The following VPS37B variants were observed in gnomAD, a reference collection of about 807,000 sequenced individuals.
The protein encoded by VPS37B is vacuolar protein sorting-associated protein 37B.
A neutral mutation model predicts 21.2 loss-of-function variants in VPS37B; 11 were observed. The observed-to-expected ratio is 0.52, with a 90% confidence interval of 0.33 to 0.86. The LOEUF (loss-of-function observed/expected upper bound fraction) is 0.86, where lower values mean the gene tolerates loss of function less well. Among genes scored for constraint, VPS37B ranks in the 40% least tolerant of loss-of-function variants. The pLI is 0.03. For missense variants in VPS37B, 389 were observed against 374.8 expected (o/e 1.04, Z -0.31); for synonymous variants, 175 against 159.6 (o/e 1.10, Z -0.73).
Position 122,867,388 on chromosome 12 carries a change from C to T in VPS37B, c.586G>A (p.Ala196Thr), listed in dbSNP as rs2033926688. ...GGTGCAACGGCAGGAGGCCCACTGG[C>T]CTCTGGGGCAGGGTAGGGAAGGGGG... ...TAPLPYPAPEASGPPAVAPRR... is the reference protein window; with the variant it reads ...TAPLPYPAPETSGPPAVAPRR... Residue 196 changes from alanine (A) to threonine (T), a missense_variant, in exon 4 of 4, where the codon GCC becomes ACC. Transcript: ENST00000267202. The surrounding 1 kb of genome is among the most constrained non-coding windows in gnomAD (Gnocchi z 5.5). 14 of 1,602,314 alleles carry T rather than the reference C, an allele frequency of 8.7e-6. No homozygotes were observed. Among genetic ancestry groups the T allele is most frequent in the Non-Finnish European group, 1.2e-5 (14 of 1,177,638 alleles).
intron 1 of VPS37B, chr12:122,877,021 C>T (rs2034162741): frequency 6.6e-6 from 1 of 152,188 alleles, no homozygotes; most frequent in African/African-American, 2.4e-5. Context: ...GCTCCTCCAC[C>T]TGTAATTATA....
chr12:122,867,297 G>C lies in VPS37B; in HGVS notation c.677C>G (p.Ala226Gly), dbSNP rs2033923015. 1 of 1,479,394 alleles carries C rather than the reference G, an allele frequency of 6.8e-7. No individual in the cohort carries two copies. The highest frequency in any genetic ancestry group is 9.1e-7 in the Non-Finnish European group (1 of 1,103,698). 91.6% of individuals were successfully genotyped at this position (1,479,394 alleles called of 1,614,324 possible). ...CGGCACGGCCTGTCCCGAACTCATGGCCGCAGTAAACGGGGTGGCTAAGCG... is the reference window on the plus strand; with the variant it reads ...CGGCACGGCCTGTCCCGAACTCATGCCCGCAGTAAACGGGGTGGCTAAGCG... Reference protein sequence around the residue: ...AGRLATPFTAAMSSGQAVPYP... With the variant: ...AGRLATPFTAGMSSGQAVPYP... The change falls in exon 4 of 4, where the codon GCC becomes GGC. Residue 226 changes from alanine to glycine, a missense_variant. Transcript: ENST00000267202. This position sits in a 1 kb window ranked among gnomAD's most constrained non-coding sequence, Gnocchi z 5.5.
intron 1 of VPS37B, chr12:122,888,803 T>C: frequency 3.2e-6 from 1 of 314,810 alleles, no homozygotes; most frequent in Non-Finnish European, 6.4e-6. Flanking sequence ...AACTTTTATA[T>C]TCTCCTTGAT....
chr12:122,885,023 T>G (rs1215718746), intron 1 of VPS37B: 1 of 152,214 alleles, frequency 6.6e-6, no homozygotes, highest in Non-Finnish European at 1.5e-5. Context: ...AGATAAAATT[T>G]AACTCTCACG....
At position 122,867,632 on chromosome 12, in the gene VPS37B, C is replaced by T. The variant is rs3825143; in HGVS notation, c.367-25G>A. ...TCTGAAAGAGGCAGAAACCTGGTTA[C>T]AGGGACAGCCAGATGGGGAGGATGC... On this transcript the variant is annotated intron_variant, in intron 3 of 3. Transcript: ENST00000267202. The surrounding 1 kb of genome is among the most constrained non-coding windows in gnomAD (Gnocchi z 5.5). 0.86 allele frequency: 1,384,424 copies of T among 1,608,266 alleles called. 600,335 individuals carry two copies. The highest frequency in any genetic ancestry group is 0.92 in the Admixed American group (54,935 of 59,982).
In VPS37B at chr12:122,867,501, T is replaced by G; in HGVS notation, c.473A>C (p.Lys158Thr). 1 of 1,614,062 alleles carries G rather than the reference T, an allele frequency of 6.2e-7. No homozygotes were observed. Among genetic ancestry groups the G allele is most frequent in the East Asian group, 2.2e-5 (1 of 44,874 alleles). ...CCCCTTTAGGACCATCTCCTGGAGC[T>G]TCTCGATTTTCACCCGTCGCATGTG... Reference protein sequence around the residue: ...LAHMRRVKIEKLQEMVLKGQR... With the variant: ...LAHMRRVKIETLQEMVLKGQR... The change falls in exon 4 of 4, where the codon AAG becomes ACG. Residue 158 changes from lysine (K) to threonine (T), a missense_variant. Lys to Thr is a moderately conservative substitution (Grantham distance 78). Transcript: ENST00000267202. This position sits in a 1 kb window ranked among gnomAD's most constrained non-coding sequence, Gnocchi z 5.5.
chr12:122,870,947 T>C lies in VPS37B; in HGVS notation c.226A>G (p.Lys76Glu). The part of the protein sequence containing the change: ...LDTLKARLTQ[K>E]YQELQVLFEA... Reference sequence around the variant, plus strand: ...AAGAGAACCTGGAGTTCCTGGTATTTCTGGGTCAAGCGTGCTTTCAACGTG... The same window carrying C: ...AAGAGAACCTGGAGTTCCTGGTATTCCTGGGTCAAGCGTGCTTTCAACGTG... The change falls in exon 2 of 4, where the codon AAA (lysine) becomes GAA (glutamate). Residue 76 changes from lysine to glutamate, a missense_variant. Transcript: ENST00000267202. 6.2e-7 allele frequency: 1 copy of C among 1,614,186 alleles called. No individual in the cohort carries two copies.
intron 1 of VPS37B, chr12:122,877,731 C>A (rs535467375): frequency 6.6e-6 from 1 of 152,316 alleles, no homozygotes; most frequent in Non-Finnish European, 1.5e-5. Flanking sequence ...GCCCCACCAA[C>A]GCCACACAGA....
At chr12:122,883,988 G>A (rs2034286957) in intron 1 of VPS37B, 1 of 152,222 alleles carries the variant, frequency 6.6e-6, no homozygotes. Flanking sequence ...CAGAAGACAA[G>A]ATGGGACACC....
At chr12:122,892,274 A>G (rs1164124963) in intron 1 of VPS37B, among the ~76,000 whole-genome samples, 1 of 152,234 alleles carries the variant, frequency 6.6e-6, no homozygotes, top group Non-Finnish European at 1.5e-5. Context: ...ACTGACACAC[A>G]GGCCCAGAAA....
At chr12:122,893,547 G>T (rs559843376) in intron 1 of VPS37B, among the ~76,000 whole-genome samples, 4 of 152,222 alleles carry the variant, frequency 2.6e-5, no homozygotes, top group Admixed American at 1.3e-4. Flanking sequence ...ATTACCAGAT[G>T]AGTGAAACTA....
At chr12:122,887,073 A>G (rs2034340489) in intron 1 of VPS37B, 1 of 152,178 alleles carries the variant, frequency 6.6e-6, no homozygotes, top group South Asian at 2.1e-4. Flanking sequence ...GATAAACCAC[A>G]TGACTAAGTG....
intron 1 of VPS37B, among the ~76,000 whole-genome samples, chr12:122,895,104 G>C (rs1378261196): frequency 1.3e-5 from 2 of 151,962 alleles, no homozygotes; most frequent in Non-Finnish European, 2.9e-5. Context: ...AGACTCCAGG[G>C]GCATTATTGG....
Position 122,868,726 on chromosome 12 carries a change from A to G in VPS37B, c.284-164T>C, listed in dbSNP as rs2033959536. On this transcript the variant is annotated intron_variant, in intron 2 of 3. Transcript: ENST00000267202. This position sits in a 1 kb window ranked among gnomAD's most constrained non-coding sequence, Gnocchi z 5.5. Reference sequence around the variant, plus strand: ...GCACCAAGCCAGTGCCCAGGGGCCAACATCCCATGTCAGAGCAACCTGTGT... The same window carrying G: ...GCACCAAGCCAGTGCCCAGGGGCCAGCATCCCATGTCAGAGCAACCTGTGT... Among the ~76,000 whole-genome samples, 1 of 152,212 alleles carries G rather than the reference A, an allele frequency of 6.6e-6. No individual in the cohort carries two copies.
intron 1 of VPS37B, chr12:122,875,977 GAA>G (rs1473977871): frequency 6.6e-6 from 1 of 151,776 alleles, no homozygotes; most frequent in Admixed American, 6.6e-5. Flanking sequence ...GTTAACCATA[GAA>G]AAGTCTTTTC....
intron 1 of VPS37B, among the ~76,000 whole-genome samples, chr12:122,892,237 A>C (rs1001261428): frequency 3.9e-5 from 6 of 152,234 alleles, no homozygotes; most frequent in African/African-American, 1.4e-4. Flanking sequence ...GAATTGCATA[A>C]TGAACAGGAG....
chr12:122,871,104 G>A (rs1436820525), intron 1 of VPS37B, 43 bp from the exon 2 acceptor site: 2 of 1,605,492 alleles, frequency 1.2e-6, no homozygotes, highest in East Asian at 4.5e-5. Context: ...AAGTATATCA[G>A]CTCCTAAACC....
chr12:122,875,223 A>ATTTTTTTTTTTTTTTTTT (rs34993068), intron 1 of VPS37B: 3 of 95,998 alleles, frequency 3.1e-5, no homozygotes, highest in Non-Finnish European at 6.0e-5. Context: ...CACCTGGCTA[A>ATTTTTTTTTTTTTTTTTT]TTTTTTTTTT....
intron 1 of VPS37B, chr12:122,875,681 C>T (rs1224566588): frequency 2.0e-5 from 3 of 152,122 alleles, no homozygotes; most frequent in Non-Finnish European, 2.9e-5. Flanking sequence ...GAGGCCTCCA[C>T]AGGCGCAGCA....
Sources: gnomAD v4.1 joint callset for allele counts (sites outside exome capture counted in the v4.1 genomes callset) on GRCh38, gnomAD v4.1.1 for gene constraint, Gnocchi (gnomAD v3.1) non-coding constraint, MANE v1.5 for transcripts, NCBI Gene and HGNC (gene_info 2026-07-23, HGNC 2026-07-21) for gene names.